Variants in C1orf21 observed in about 807,000 individuals in gnomAD.
The protein encoded by C1orf21 is uncharacterized protein C1orf21.
C1orf21 carries 3 observed loss-of-function variants against 18.7 expected under a neutral mutation model. That is an observed-to-expected ratio of 0.16 (90% CI 0.07 to 0.42). C1orf21 has a LOEUF of 0.42. Among genes scored for constraint, C1orf21 ranks in the 10% least tolerant of loss-of-function variants. The pLI, the probability that C1orf21 is intolerant of heterozygous loss-of-function variation, is 0.99. For missense variants in C1orf21, 104 were observed against 143.6 expected (o/e 0.72, Z 1.41); for synonymous variants, 41 against 46.4 (o/e 0.88, Z 0.47).
At chr1:184,593,550 T>G (rs1659473660) in intron 4 of C1orf21, among the ~76,000 whole-genome samples, 1 of 152,192 alleles carries the variant, frequency 6.6e-6, no homozygotes, top group Admixed American at 6.5e-5. Context: ...ATACCTTCAT[T>G]TAATGCTTTA....
chr1:184,469,818 T>C (rs1295676650), intron 1 of C1orf21, among the ~76,000 whole-genome samples: 1 of 152,240 alleles, frequency 6.6e-6, no homozygotes, highest in Non-Finnish European at 1.5e-5. Context: ...TAAGCATCTC[T>C]GATCCTTTGT....
Position 184,477,380 on chromosome 1 carries a change from T to A in C1orf21, c.-124-6T>A. On this transcript the variant is annotated splice_region_variant and splice_polypyrimidine_tract_variant and intron_variant, in intron 1 of 5. Transcript: ENST00000235307. ...CCCATTCTAATCTAGCTTTCTTTTC[T>A]TGCAGGTGCACACATCTTGACCAAC... 1.5e-6 allele frequency: 1 copy of A among 667,788 alleles called. No individual in the cohort carries two copies. Among genetic ancestry groups the A allele is most frequent in the South Asian group, 1.9e-5 (1 of 51,874 alleles). The allele number at this position is 667,788 out of a possible 1,614,324, so 41.4% of individuals were successfully genotyped here.
In C1orf21 at chr1:184,628,203, C is replaced by G. The variant is rs1283147278; in HGVS notation, c.*8647C>G. ...ATGAATTCTCCAAAGCAGTGGGCCC[C>G]CATCTGTTTCAATTACACATGCCTG... On this transcript the variant is annotated 3_prime_UTR_variant, in exon 6 of 6. Coordinates refer to ENST00000235307, the MANE Select transcript of C1orf21 (RefSeq NM_030806.4). 6.6e-6 allele frequency: 1 copy of G among 152,094 alleles called. No individual in the cohort carries two copies. Among genetic ancestry groups the G allele is most frequent in the Non-Finnish European group, 1.5e-5 (1 of 68,018 alleles). The allele number at this position is 152,094 out of a possible 1,614,324, so 9.4% of individuals were successfully genotyped here.
At chr1:184,405,271 T>C (rs780559023) in intron 1 of C1orf21, among the ~76,000 whole-genome samples, 14 of 152,106 alleles carry the variant, frequency 9.2e-5, no homozygotes, top group Non-Finnish European at 1.8e-4. Flanking sequence ...TCACAGCTTA[T>C]TGCAGCCTCA....
chr1:184,480,546 G>A (rs1571378270), intron 2 of C1orf21, among the ~76,000 whole-genome samples: 2 of 152,296 alleles, frequency 1.3e-5, no homozygotes, highest in East Asian at 3.9e-4. Flanking sequence ...TGTGTATTTT[G>A]CAGATGTTAG....
chr1:184,445,673 T>C (rs1657019350), intron 1 of C1orf21, among the ~76,000 whole-genome samples: 1 of 152,078 alleles, frequency 6.6e-6, no homozygotes, highest in East Asian at 1.9e-4. Context: ...CCAAAGACAA[T>C]GAGACAGGTT....
intron 1 of C1orf21, among the ~76,000 whole-genome samples, chr1:184,403,280 G>A (rs566850762): frequency 6.6e-5 from 10 of 152,294 alleles, no homozygotes; most frequent in South Asian, 2.1e-4. Context: ...ACAACTGTGC[G>A]TGCCAACAGG....
intron 3 of C1orf21, among the ~76,000 whole-genome samples, chr1:184,542,937 T>G (rs546219399): frequency 1.2e-3 from 181 of 152,268 alleles, no homozygotes; most frequent in Non-Finnish European, 2.1e-3. Context: ...ATCCAAAGCC[T>G]TCTTTGACTG....
At chr1:184,401,790 A>AAC (rs1656156886) in intron 1 of C1orf21, among the ~76,000 whole-genome samples, 1 of 151,322 alleles carries the variant, frequency 6.6e-6, no homozygotes, top group Non-Finnish European at 1.5e-5. Flanking sequence ...AAAAAAAAAA[A>AAC]CCCAGGTGAA....
chr1:184,396,504 A>G, intron 1 of C1orf21, among the ~76,000 whole-genome samples: 1 of 152,218 alleles, frequency 6.6e-6, no homozygotes, highest in East Asian at 1.9e-4. Context: ...GTGGAAGCTA[A>G]TAGCCATTAG....
chr1:184,540,917 TATTTC>T (rs1658640105), intron 3 of C1orf21, among the ~76,000 whole-genome samples: 1 of 152,258 alleles, frequency 6.6e-6, no homozygotes, highest in African/African-American at 2.4e-5. Flanking sequence ...TTAAAAGAAT[TATTTC>T]ATTTATTTGA....
At chr1:184,574,037 G>GA (rs996806840) in intron 3 of C1orf21, among the ~76,000 whole-genome samples, 21 of 147,198 alleles carry the variant, frequency 1.4e-4, no homozygotes, top group South Asian at 4.3e-4. Context: ...TCTACTAAAA[G>GA]AAAAAAAAAA....
intron 3 of C1orf21, chr1:184,568,386 G>A (rs1036811613): frequency 1.9e-5 from 9 of 467,536 alleles, no homozygotes; most frequent in Non-Finnish European, 3.1e-5. Flanking sequence ...CTCCTTCCTC[G>A]CTGTTCCCAG....
intron 3 of C1orf21, among the ~76,000 whole-genome samples, chr1:184,562,938 A>G (rs1658986669): frequency 6.6e-6 from 1 of 152,134 alleles, no homozygotes; most frequent in South Asian, 2.1e-4. Flanking sequence ...CACATTTTCT[A>G]TTTTTGACTG....
rs1473240109 is a variant in C1orf21, at chr1:184,518,626, CT to C, written c.189+10945del. On this transcript the variant is annotated intron_variant, in intron 3 of 5. Coordinates refer to ENST00000235307, the MANE Select transcript of C1orf21 (RefSeq NM_030806.4). ...GCAATCCTGTTTTAAATGTTTTTTTCTCTTCTACATGCTCAACACTGAACTG... is the reference window on the plus strand; with the variant it reads ...GCAATCCTGTTTTAAATGTTTTTTTCCTTCTACATGCTCAACACTGAACTG... Among the ~76,000 whole-genome samples, 11 of 152,144 alleles carry C rather than the reference CT, an allele frequency of 7.2e-5. No homozygotes were observed. In the East Asian group the frequency reaches 2.1e-3, roughly 29 times the overall value.
At chr1:184,478,706 T>C (rs1033506073) in intron 2 of C1orf21, among the ~76,000 whole-genome samples, 1 of 152,198 alleles carries the variant, frequency 6.6e-6, no homozygotes, top group African/African-American at 2.4e-5. Flanking sequence ...GATGATTATT[T>C]TGAAGTATGG....
intron 3 of C1orf21, among the ~76,000 whole-genome samples, chr1:184,515,173 G>A (rs1290419647): frequency 6.6e-6 from 1 of 152,224 alleles, no homozygotes; most frequent in Non-Finnish European, 1.5e-5. Flanking sequence ...TTTTATTAGT[G>A]GAGTTGGGTC....
intron 3 of C1orf21, among the ~76,000 whole-genome samples, chr1:184,558,882 T>C (rs1558002457): frequency 6.6e-6 from 1 of 152,212 alleles, no homozygotes. Flanking sequence ...TCCCTGCTAG[T>C]TGTTAATACT....
chr1:184,398,388 C>T lies in C1orf21; in HGVS notation c.-125+11020C>T, dbSNP rs112498921. ...GGTGGTGCTAAGACTGGAATCCGAG[C>T]GCTCCTACTTTAAAGTCAGACTTTT... On this transcript the variant is annotated intron_variant, in intron 1 of 5. Transcript: ENST00000235307. Among the ~76,000 whole-genome samples the T allele has an allele frequency of 7.9e-4, 120 of 152,248 alleles. 1 individual carries two copies. The highest frequency in any genetic ancestry group is 2.7e-3 in the African/African-American group (113 of 41,548).
Sources: allele counts gnomAD v4.1 joint callset (sites outside exome capture counted in the v4.1 genomes callset), GRCh38; gene constraint gnomAD v4.1.1; transcripts MANE v1.5; gene names NCBI Gene and HGNC (gene_info 2026-07-23, HGNC 2026-07-21).